The following CD320 variants were observed in gnomAD, a reference collection of about 807,000 sequenced individuals.
CD320 encodes the protein CD320 antigen.
Under a neutral mutation model 22.1 loss-of-function variants are expected in CD320, and 16 were observed. That is an observed-to-expected ratio of 0.73 (90% CI 0.49 to 1.10). The LOEUF (loss-of-function observed/expected upper bound fraction) is 1.10. CD320 is among the 50% of genes least tolerant of loss of function. The probability of loss-of-function intolerance (pLI) is 0.00; values close to 1 mark genes in which losing one functional copy is unlikely to be tolerated. For missense variants in CD320, 388 were observed against 376.9 expected (o/e 1.03, Z -0.24); for synonymous variants, 188 against 167.8 (o/e 1.12, Z -0.93).
intron 2 of CD320, among the ~76,000 whole-genome samples, chr19:8,304,553 G>A (rs1210599728): frequency 2.0e-5 from 3 of 152,132 alleles, no homozygotes; most frequent in African/African-American, 7.2e-5. Context: ...GTGTTGGCCA[G>A]GCTGGTCTCG....
At chr19:8,303,038 C>T in intron 3 of CD320, 58 bp from the exon 4 acceptor site, 2 of 1,464,048 alleles carry the variant, frequency 1.4e-6, no homozygotes, top group Non-Finnish European at 1.9e-6. Context: ...CGTGAGGGGG[C>T]CAGATGCCCA....
In CD320 at chr19:8,302,604, C is replaced by A. The variant is rs768870573; in HGVS notation, c.708G>T (p.Ala236=). ...PTAYGVIAAA[A]VLSASLVTAT... is the part of the protein sequence containing the mutation. ...CGGTGACCAGGCTTGCACTGAGCAC[C>A]GCTGTGGGGAACAGATGGACAGAGG... The change falls in exon 5 of 5, where the codon GCG becomes GCT. Residue 236 remains alanine, a splice_region_variant and synonymous_variant. Transcript: ENST00000301458. 13 of 1,613,256 alleles carry A rather than the reference C, an allele frequency of 8.1e-6. No individual in the cohort carries two copies. In the Admixed American group the frequency reaches 8.3e-5, roughly 10 times the overall value.
rs1289638676 is a variant in CD320 at position 8,308,321 on chromosome 19, T to C, written c.-31A>G. 1.9e-6 allele frequency: 3 copies of C among 1,578,626 alleles called. No homozygotes were observed. Among genetic ancestry groups the C allele is most frequent in the East Asian group, 2.3e-5 (1 of 43,556 alleles). ...CCCCACAGCGGCGCCGGCCACGCGC[T>C]GTCCAGACCGCTCTCTTATCCCTGC... On this transcript the variant is annotated 5_prime_UTR_variant, in exon 1 of 5. Transcript: ENST00000301458.
rs905791073 is a variant in CD320 at position 8,302,229 on chromosome 19, T to A, written c.*234A>T. 2 of 688,300 alleles carry A rather than the reference T, an allele frequency of 2.9e-6. No homozygotes were observed. The highest frequency in any genetic ancestry group is 5.3e-6 in the Non-Finnish European group (2 of 377,428). The allele number at this position is 688,300 out of a possible 1,614,324, so 42.6% of individuals were successfully genotyped here. The stretch of plus-strand genomic sequence containing the variant: ...CTGGGAGCTGCCTGGGGCCAGCCCC[T>A]CAGTTCTGGCTGTGGCAGGTTCCCC... On this transcript the variant is annotated 3_prime_UTR_variant, in exon 5 of 5. Transcript: ENST00000301458.
At chr19:8,304,345 CTTTAT>C (rs1180949976) in intron 2 of CD320, among the ~76,000 whole-genome samples, 1 of 152,138 alleles carries the variant, frequency 6.6e-6, no homozygotes, top group African/African-American at 2.4e-5. Context: ...TTGTTTCTTT[CTTTAT>C]TTTTTCTTTT....
At chr19:8,307,189 G>A (rs1006814948) in intron 1 of CD320, among the ~76,000 whole-genome samples, 1 of 151,890 alleles carries the variant, frequency 6.6e-6, no homozygotes, top group Non-Finnish European at 1.5e-5. Context: ...CTACTCGGGA[G>A]GCTGAGGCAT....
chr19:8,308,212 G>A lies in CD320; in HGVS notation c.79C>T (p.Leu27Phe). 6.4e-7 allele frequency: 1 copy of A among 1,574,200 alleles called. No individual in the cohort carries two copies. The highest frequency in any genetic ancestry group is 1.3e-5 in the African/African-American group (1 of 74,232). Residue 27 changes from leucine (L) to phenylalanine (F), a missense_variant, in exon 1 of 5, where the codon CTC becomes TTC. Coordinates refer to ENST00000301458, the MANE Select transcript of CD320 (RefSeq NM_016579.4). ...GCGGCGGCCTCCAGGCCTAGTCCGA[G>A]GCCGAGCAGCAGCAGCAGCGCCAGG... The part of the protein sequence containing the change: ...LGLALLLLLG[L>F]GLGLEAAASP...
At chr19:8,306,680 G>A (rs1267203509) in intron 1 of CD320, among the ~76,000 whole-genome samples, 1 of 152,194 alleles carries the variant, frequency 6.6e-6, no homozygotes, top group African/African-American at 2.4e-5. Context: ...ACTTGCCACA[G>A]GGTCCCTGAG....
In CD320 at chr19:8,302,762, G is replaced by GT; in HGVS notation, c.706+14dup. Reference sequence around the variant, plus strand: ...AGCTCTAAGCCCCCAGCATGGGAGGGTAAGTCCCTCTTACCAGCAGCTGCA... The same window carrying GT: ...AGCTCTAAGCCCCCAGCATGGGAGGGTTAAGTCCCTCTTACCAGCAGCTGCA... On this transcript the variant is annotated intron_variant, in intron 4 of 4. Transcript: ENST00000301458. The GT allele has an allele frequency of 1.9e-6, 3 of 1,613,710 alleles. No homozygotes were observed. The highest frequency in any genetic ancestry group is 2.5e-6 in the Non-Finnish European group (3 of 1,179,622).
intron 1 of CD320, among the ~76,000 whole-genome samples, chr19:8,307,375 C>T (rs1970106679): frequency 1.3e-5 from 2 of 151,016 alleles, no homozygotes; most frequent in Admixed American, 6.6e-5. Flanking sequence ...GAACATTTAA[C>T]GTGAATGTCA....
chr19:8,305,385 A>G (rs1045195468), intron 1 of CD320: 18 of 489,834 alleles, frequency 3.7e-5, no homozygotes, highest in African/African-American at 3.1e-4. Context: ...CCCAGGTTAC[A>G]GAGAAAGGAA....
In CD320 at chr19:8,302,848, C is replaced by T. The variant is rs746913945; in HGVS notation, c.635G>A (p.Gly212Glu). 9 of 1,614,112 alleles carry T rather than the reference C, an allele frequency of 5.6e-6. No individual in the cohort carries two copies. The South Asian group carries it at 9.9e-5, about 18-fold the overall frequency. ...TCCGGCAGAGGAGGATGTGGCATTCCCGACAGAGGGGACACTCTCCAGGGT... is the reference window on the plus strand; with the variant it reads ...TCCGGCAGAGGAGGATGTGGCATTCTCGACAGAGGGGACACTCTCCAGGGT... ...PVTLESVPSVGNATSSSAGDQ... is the reference protein window; with the variant it reads ...PVTLESVPSVENATSSSAGDQ... The change falls in exon 4 of 5, where the codon GGG becomes GAG. Residue 212 changes from glycine to glutamate, a missense_variant. Coordinates refer to ENST00000301458, the MANE Select transcript of CD320 (RefSeq NM_016579.4).
intron 2 of CD320, among the ~76,000 whole-genome samples, chr19:8,304,534 G>A (rs1358552961): frequency 1.3e-5 from 2 of 151,998 alleles, no homozygotes; most frequent in Admixed American, 6.6e-5. Flanking sequence ...GTAGAGATGG[G>A]GTTTCACTGT....
chr19:8,303,912 T>G lies in CD320; in HGVS notation c.445A>C (p.Thr149Pro), dbSNP rs141674860. Residue 149 changes from threonine (T) to proline (P), a missense_variant, in exon 3 of 5, where the codon ACG (threonine) becomes CCG (proline). Transcript: ENST00000301458. ...TCTGGGTGGCCGTCGCAGCGCCACGTGAGTGGAATGCAGTCATCGCTCAGC... is the reference window on the plus strand; with the variant it reads ...TCTGGGTGGCCGTCGCAGCGCCACGGGAGTGGAATGCAGTCATCGCTCAGC... Reference protein sequence around the residue: ...CTLSDDCIPLTWRCDGHPDCP... With the variant: ...CTLSDDCIPLPWRCDGHPDCP... 1 of 1,605,644 alleles carries G rather than the reference T, an allele frequency of 6.2e-7. No homozygotes were observed. The highest frequency in any genetic ancestry group is 1.3e-5 in the African/African-American group (1 of 74,734).
chr19:8,307,984 A>G (rs1401158735), intron 1 of CD320, among the ~76,000 whole-genome samples, 165 bp downstream of exon 1: 1 of 152,160 alleles, frequency 6.6e-6, no homozygotes, highest in Non-Finnish European at 1.5e-5. Flanking sequence ...GGGTCTTCCT[A>G]GCACCAGTGC....
Position 8,302,496 on chromosome 19 carries a change from C to T in CD320, c.816G>A (p.Leu272=), listed in dbSNP as rs779572487. The change falls in exon 5 of 5, where the codon CTG becomes CTA. Residue 272 remains leucine (L), a synonymous_variant. Transcript: ENST00000301458. ...LGLLVAMKES[L]LLSEQKTSLP The stretch of plus-strand genomic sequence containing the variant: ...GCGAGGTCTTCTGTTCTGACAGCAG[C>T]AGGGACTCCTTCATGGCCACCAGTA... 2.5e-6 allele frequency: 4 copies of T among 1,614,040 alleles called. 1 individual carries two copies. The South Asian group carries it at 3.3e-5, about 13-fold the overall frequency.
Position 8,308,316 on chromosome 19 carries a change from C to A in CD320, c.-26G>T, listed in dbSNP as rs765116170. 3 of 1,580,380 alleles carry A rather than the reference C, an allele frequency of 1.9e-6. No individual in the cohort carries two copies. The highest frequency in any genetic ancestry group is 3.5e-5 in the Admixed American group (2 of 57,804). On this transcript the variant is annotated 5_prime_UTR_variant, in exon 1 of 5. Coordinates refer to ENST00000301458, the MANE Select transcript of CD320 (RefSeq NM_016579.4). The stretch of plus-strand genomic sequence containing the variant: ...GCTGTCCCCACAGCGGCGCCGGCCA[C>A]GCGCTGTCCAGACCGCTCTCTTATC...
At position 8,302,943 on chromosome 19, in the gene CD320, G is replaced by A; in HGVS notation, c.540C>T (p.Thr180=). 1 of 1,614,032 alleles carries A rather than the reference G, an allele frequency of 6.2e-7. No homozygotes were observed. Residue 180 remains threonine, a synonymous_variant, in exon 4 of 5, where the codon ACC becomes ACT. Coordinates refer to ENST00000301458, the MANE Select transcript of CD320 (RefSeq NM_016579.4). ...TCTCCAGGGTCACAGGGGGCCCCAT[G>A]GTTGTGGCATCCCCTTCCGGGAGGA... ...NEILPEGDAT[T]MGPPVTLESV...
Position 8,308,168 on chromosome 19 carries a change from C to A in CD320, c.123G>T (p.Pro41=), listed in dbSNP as rs1004231504. 1.2e-5 allele frequency: 18 copies of A among 1,550,018 alleles called. No homozygotes were observed. The highest frequency in any genetic ancestry group is 1.9e-4 in the Middle Eastern group (1 of 5,338). Residue 41 remains proline, a synonymous_variant, in exon 1 of 5, where the codon CCG becomes CCT. Transcript: ENST00000301458. ...LEAAASPLST[P]TSAQAAGPSS... The stretch of plus-strand genomic sequence containing the variant: ...ACTCACCTGCGGCCTGGGCAGAGGT[C>A]GGGGTGGAAAGCGGGCTCGCGGCGG...
Sources: gnomAD v4.1 joint callset for allele counts (sites outside exome capture counted in the v4.1 genomes callset) on GRCh38, gnomAD v4.1.1 for gene constraint, MANE v1.5 for transcripts, NCBI Gene and HGNC (gene_info 2026-07-23, HGNC 2026-07-21) for gene names.